The following STK36 variants were observed in gnomAD, a reference collection of about 807,000 sequenced individuals.
The protein encoded by STK36 is serine/threonine-protein kinase 36.
A neutral mutation model predicts 142.2 loss-of-function variants in STK36; 116 were observed. The observed-to-expected ratio is 0.82, with a 90% CI of 0.70 to 0.95. The LOEUF is 0.95. Ranked by LOEUF, STK36 falls within the 40% of genes least tolerant of loss-of-function variation. STK36 has a pLI of 0.00. For missense variants in STK36, 1,422 were observed against 1,617.2 expected, an observed-to-expected ratio of 0.88 and a Z score of 2.07; for synonymous variants, 619 against 641.7, an observed-to-expected ratio of 0.96 and a Z score of 0.53.
intron 10 of STK36, among the ~76,000 whole-genome samples, chr2:218,683,961 CTT>C (rs35930271): frequency 0.024 from 3,297 of 135,804 alleles, 138 homozygotes; most frequent in African/African-American, 0.084. Flanking sequence ...ATATGTGCCA[CTT>C]TTTTTTTTTT....
intron 5 of STK36, 129 bp from the exon 6 acceptor site, chr2:218,675,900 G>A: frequency 8.3e-7 from 1 of 1,207,458 alleles, no homozygotes; most frequent in Non-Finnish European, 1.2e-6. Flanking sequence ...TGGGACTGCT[G>A]CTGGGTCTTC....
chr2:218,692,754 GAA>G lies in STK36; in HGVS notation c.2043+45_2043+46del, dbSNP rs768997397. On this transcript the variant is annotated intron_variant, in intron 16 of 26. Coordinates refer to ENST00000295709, the MANE Select transcript of STK36 (RefSeq NM_015690.5). ...TGTTCCTCTCATCCTACTGCCAGAG[GAA>G]TTGAGGAGGCTAGCCCCAGTTTTTC... 10,598 of 1,582,210 alleles carry G rather than the reference GAA, an allele frequency of 6.7e-3. 606 individuals are homozygous for G. The African/African-American group carries it at 0.13, about 19-fold the overall frequency.
Position 218,676,113 on chromosome 2 carries a change from G to A in STK36, c.519G>A (p.Glu173=). 1 of 1,614,126 alleles carries A rather than the reference G, an allele frequency of 6.2e-7. No individual in the cohort carries two copies. Among genetic ancestry groups the A allele is most frequent in the Non-Finnish European group, 8.5e-7 (1 of 1,180,022 alleles). ...TPLYMSPELV[E]ERPYDHTADL... ...TCTATATGTCTCCAGAGCTGGTGGA[G>A]GAGCGACCATACGACCACACAGCGG... is the stretch of plus-strand genomic sequence containing the variant. The change falls in exon 6 of 27, where the codon GAG becomes GAA. Residue 173 remains glutamate (E), a synonymous_variant. Transcript: ENST00000295709.
chr2:218,686,552 A>G (rs1243284803), intron 11 of STK36, among the ~76,000 whole-genome samples: 1 of 152,190 alleles, frequency 6.6e-6, no homozygotes, highest in African/African-American at 2.4e-5. Context: ...TATAGGTATG[A>G]GCTACTGCCC....
chr2:218,678,267 T>C (rs968325611), intron 6 of STK36, among the ~76,000 whole-genome samples: 1 of 152,186 alleles, frequency 6.6e-6, no homozygotes, highest in African/African-American at 2.4e-5. Context: ...ATTTTTTATG[T>C]AGGGCAAGAT....
rs1343970204 is a variant in STK36, at chr2:218,702,539, GTGTGTGTGTATA to G, written c.*540_*551del. The G allele has an allele frequency of 2.0e-5, 3 of 152,856 alleles. No individual in the cohort carries two copies. Among genetic ancestry groups the G allele is most frequent in the African/African-American group, 4.8e-5 (2 of 41,390 alleles). 9.5% of individuals were successfully genotyped at this position (152,856 alleles called of 1,614,324 possible). On this transcript the variant is annotated 3_prime_UTR_variant, in exon 27 of 27. Coordinates refer to ENST00000295709, the MANE Select transcript of STK36 (RefSeq NM_015690.5). ...CGTGGAGAGTGTATCTTTTTTTGGG[GTGTGTGTGTATA>G]TGTGTGTGTGTATGTGTGTGTGTGT...
intron 26 of STK36, among the ~76,000 whole-genome samples, chr2:218,701,247 T>G (rs1941431436): frequency 1.3e-5 from 2 of 150,584 alleles, no homozygotes; most frequent in Non-Finnish European, 3.0e-5. Context: ...CCATTCTGCC[T>G]CAGCCTCCCG....
Position 218,692,279 on chromosome 2 carries a change from T to TC in STK36, c.1903dup (p.His635ProfsTer18). The TC allele has an allele frequency of 6.2e-7, 1 of 1,614,198 alleles. No individual in the cohort carries two copies. The highest frequency in any genetic ancestry group is 8.5e-7 in the Non-Finnish European group (1 of 1,180,050). On this transcript the variant is annotated frameshift_variant, in exon 15 of 27. Transcript: ENST00000295709. LOFTEE classifies it high-confidence loss of function. ...GGCTTGACAGTTCCACAGCTCCCTG[T>TC]CCACACTCCCCAAGGTAACCAGAGT...
In STK36 at chr2:218,698,888, G is replaced by A. The variant is rs1421747874; in HGVS notation, c.3344G>A (p.Arg1115His). Residue 1115 changes from arginine (R) to histidine (H), a missense_variant, in exon 26 of 27, where the codon CGC becomes CAC. Transcript: ENST00000295709. ...AGSDESYRPLRSLLGHPENSV... is the reference protein window; with the variant it reads ...AGSDESYRPLHSLLGHPENSV... ...TCTGATGAATCCTATCGGCCCCTGC[G>A]CAGCCTCCTGGGCCACCCAGAGAAT... 6.8e-6 allele frequency: 11 copies of A among 1,614,032 alleles called. No homozygotes were observed. In the South Asian group the frequency reaches 8.8e-5, roughly 13 times the overall value.
chr2:218,686,220 T>G (rs1288694641), intron 11 of STK36, among the ~76,000 whole-genome samples: 2 of 152,128 alleles, frequency 1.3e-5, no homozygotes, highest in African/African-American at 4.8e-5. Context: ...ATTACAGGCG[T>G]GAACCACCGT....
intron 7 of STK36, 47 bp downstream of exon 7, chr2:218,679,308 T>C: frequency 6.4e-7 from 1 of 1,551,494 alleles, no homozygotes; most frequent in Non-Finnish European, 8.9e-7. Context: ...CAGTACTTCC[T>C]CTAAACTACT....
At position 218,694,737 on chromosome 2, in the gene STK36, C is replaced by T. The variant is rs1049294020; in HGVS notation, c.2511+102C>T. ...GAAATGCCAGCAAGCCTGGAGTAAACTGAGGAATGGAAAAGGAATCAAGGA... is the reference window on the plus strand; with the variant it reads ...GAAATGCCAGCAAGCCTGGAGTAAATTGAGGAATGGAAAAGGAATCAAGGA... On this transcript the variant is annotated intron_variant, in intron 21 of 26. Transcript: ENST00000295709. The surrounding 1 kb of genome is among the most constrained non-coding windows in gnomAD (Gnocchi z 4.4). 6 of 993,868 alleles carry T rather than the reference C, an allele frequency of 6.0e-6. No homozygotes were observed. The African/African-American group carries it at 9.6e-5, about 16-fold the overall frequency. 61.6% of individuals were successfully genotyped at this position (993,868 alleles called of 1,614,324 possible). A position where few individuals can be genotyped will look rare whatever the true frequency, so the allele number is the denominator to read the frequency against.
At chr2:218,690,282 A>G (rs1940946846) in intron 13 of STK36, among the ~76,000 whole-genome samples, 168 bp from the exon 14 acceptor site, 1 of 152,174 alleles carries the variant, frequency 6.6e-6, no homozygotes, top group Non-Finnish European at 1.5e-5. Context: ...GAAAATGGCA[A>G]AGAAGGGGCT....
At chr2:218,690,019 C>T in intron 13 of STK36, 63 bp downstream of exon 13, 1 of 1,465,478 alleles carries the variant, frequency 6.8e-7, no homozygotes, top group African/African-American at 1.4e-5. Flanking sequence ...CCCAAGTGCC[C>T]TTCCCATTTA....
chr2:218,701,488 T>G (rs2106369904), intron 26 of STK36, among the ~76,000 whole-genome samples: 1 of 152,216 alleles, frequency 6.6e-6, no homozygotes, highest in South Asian at 2.1e-4. Flanking sequence ...GGAAAATAAT[T>G]AATGGGATTC....
intron 6 of STK36, 43 bp from the exon 7 acceptor site, chr2:218,679,125 G>T: frequency 6.3e-7 from 1 of 1,582,746 alleles, no homozygotes. Flanking sequence ...GAGACTTAAG[G>T]GAAGGGAAAG....
In STK36 at chr2:218,675,438, C is replaced by G. The variant is rs1346381376; in HGVS notation, c.399C>G (p.Leu133=). 4 of 1,613,668 alleles carry G rather than the reference C, an allele frequency of 2.5e-6. No individual in the cohort carries two copies. In the East Asian group the frequency reaches 8.9e-5, roughly 36 times the overall value. The stretch of plus-strand genomic sequence containing the variant: ...ATATGAAGCCTCAGAACATCCTCCT[C>G]GCCAAGGGTGGTGGCATCAAGCTCT... ...HRDMKPQNIL[L]AKGGGIKLCD... Residue 133 remains leucine, a synonymous_variant, in exon 5 of 27, where the codon CTC becomes CTG. Coordinates refer to ENST00000295709, the MANE Select transcript of STK36 (RefSeq NM_015690.5).
chr2:218,680,113 G>T, intron 9 of STK36, 33 bp downstream of exon 9: 1 of 1,601,658 alleles, frequency 6.2e-7, no homozygotes, highest in South Asian at 1.1e-5. Flanking sequence ...TTTGTAGGGT[G>T]AGGTATCTTG....
At position 218,699,237 on chromosome 2, in the gene STK36, C is replaced by T. The variant is rs762005504; in HGVS notation, c.3693C>T (p.Cys1231=). 1.1e-5 allele frequency: 17 copies of T among 1,613,818 alleles called. No individual in the cohort carries two copies. Among genetic ancestry groups the T allele is most frequent in the African/African-American group, 2.7e-5 (2 of 74,886 alleles). ...PEGLGEELLQ[C]EVPQRLLEMA... is the part of the protein sequence containing the mutation. ...GTTTGGGAGAGGAGCTGTTACAGTG[C>T]GAAGTACCCCAGCGGCTCCTAGAAA... Residue 1231 remains cysteine, a synonymous_variant, in exon 26 of 27, where the codon TGC becomes TGT. Coordinates refer to ENST00000295709, the MANE Select transcript of STK36 (RefSeq NM_015690.5).
Sources: gnomAD v4.1 joint callset for allele counts (sites outside exome capture counted in the v4.1 genomes callset) on GRCh38, gnomAD v4.1.1 for gene constraint, Gnocchi (gnomAD v3.1) non-coding constraint, MANE v1.5 for transcripts, NCBI Gene and HGNC (gene_info 2026-07-23, HGNC 2026-07-21) for gene names.